The following CSMD1 variants were observed in gnomAD, a reference collection of about 807,000 sequenced individuals.
The protein encoded by CSMD1 is CUB and sushi domain-containing protein 1.
Under a neutral mutation model 417.5 loss-of-function variants are expected in CSMD1, and 213 were observed. That is an observed-to-expected ratio of 0.51 (90% CI 0.46 to 0.57). The LOEUF (loss-of-function observed/expected upper bound fraction) is 0.57, where lower values mean the gene tolerates loss of function less well. Among genes scored for constraint, CSMD1 ranks in the 20% least tolerant of loss-of-function variants. CSMD1 has a pLI of 0.00. For missense variants in CSMD1, 6,923 were observed against 4,529.7 expected, an observed-to-expected ratio of 1.53 and a Z score of -15.17; for synonymous variants, 2,862 against 1,736.8, an observed-to-expected ratio of 1.65 and a Z score of -16.11.
intron 3 of CSMD1, among the ~76,000 whole-genome samples, chr8:4,220,120 T>C (rs1166816707): frequency 1.3e-5 from 2 of 152,038 alleles, no homozygotes; most frequent in Non-Finnish European, 2.9e-5. Flanking sequence ...CAGCTGATTT[T>C]TTGTATTTTC....
At chr8:3,691,485 G>C (rs1800241878) in intron 7 of CSMD1, among the ~76,000 whole-genome samples, 1 of 152,312 alleles carries the variant, frequency 6.6e-6, no homozygotes, top group South Asian at 2.1e-4. Context: ...CTATTTCAAT[G>C]TTTCACTGCA....
chr8:4,113,436 G>T (rs372846852), intron 3 of CSMD1, among the ~76,000 whole-genome samples: 39 of 116,208 alleles, frequency 3.4e-4, no homozygotes, highest in African/African-American at 1.2e-3. Context: ...ACAGTATCTC[G>T]CTCTGTCACG....
At chr8:3,664,154 G>GT (rs1798561368) in intron 7 of CSMD1, among the ~76,000 whole-genome samples, 1 of 151,982 alleles carries the variant, frequency 6.6e-6, no homozygotes, top group African/African-American at 2.4e-5. Context: ...TTAACATTAG[G>GT]TATTTCCCCT....
At chr8:4,801,813 C>T (rs150528511) in intron 1 of CSMD1, among the ~76,000 whole-genome samples, 93 of 152,286 alleles carry the variant, frequency 6.1e-4, no homozygotes, top group Admixed American at 3.9e-3. Context: ...AATACAGCTA[C>T]TCTTTTCTAA....
intron 2 of CSMD1, among the ~76,000 whole-genome samples, chr8:4,488,793 C>G (rs1052433734): frequency 5.3e-5 from 8 of 152,154 alleles, no homozygotes; most frequent in Admixed American, 5.2e-4. Flanking sequence ...AAAGGAAATA[C>G]TCTATGTCCA....
chr8:3,911,669 T>C (rs1256695875), intron 5 of CSMD1, among the ~76,000 whole-genome samples: 1 of 152,154 alleles, frequency 6.6e-6, no homozygotes. Flanking sequence ...CACATGTCAT[T>C]GCTTGTCGGA....
chr8:4,768,167 G>C (rs1311104894), intron 1 of CSMD1, among the ~76,000 whole-genome samples: 2 of 152,134 alleles, frequency 1.3e-5, no homozygotes, highest in East Asian at 1.9e-4. Context: ...GTGAAAATTA[G>C]CAGGACATTG....
chr8:4,071,955 C>G (rs145125292), intron 3 of CSMD1, among the ~76,000 whole-genome samples: 1 of 152,168 alleles, frequency 6.6e-6, no homozygotes, highest in Non-Finnish European at 1.5e-5. Context: ...CAGTGTGGGG[C>G]TCTCCAGTCT....
At chr8:3,907,855 G>A (rs778517380) in intron 5 of CSMD1, among the ~76,000 whole-genome samples, 14 of 152,098 alleles carry the variant, frequency 9.2e-5, no homozygotes, top group African/African-American at 1.2e-4. Flanking sequence ...TGTGCTCTGC[G>A]GTCCAGGCAA....
intron 2 of CSMD1, among the ~76,000 whole-genome samples, chr8:4,464,331 T>A (rs1563203767): frequency 6.6e-6 from 1 of 152,198 alleles, no homozygotes; most frequent in African/African-American, 2.4e-5. Flanking sequence ...ACAGTGCGGT[T>A]ATGTTCTAAT....
At chr8:3,051,462 A>C (rs1321619696) in intron 50 of CSMD1, among the ~76,000 whole-genome samples, 1 of 152,122 alleles carries the variant, frequency 6.6e-6, no homozygotes, top group African/African-American at 2.4e-5. Context: ...GGGTGGGAGG[A>C]AGGTAAGGAT....
intron 12 of CSMD1, among the ~76,000 whole-genome samples, chr8:3,439,309 A>ATATTTTTTT: frequency 2.7e-4 from 17 of 62,456 alleles, no homozygotes; most frequent in South Asian, 1.5e-3. Context: ...ATATATATAT[A>ATATTTTTTT]TTTTTTTTTT....
At chr8:4,765,576 T>TG (rs1812409709) in intron 1 of CSMD1, among the ~76,000 whole-genome samples, 2 of 152,202 alleles carry the variant, frequency 1.3e-5, no homozygotes, top group South Asian at 4.1e-4. Context: ...AACTGAGATA[T>TG]GGACAATGCT....
At chr8:4,321,669 G>A (rs1799281352) in intron 3 of CSMD1, among the ~76,000 whole-genome samples, 1 of 152,140 alleles carries the variant, frequency 6.6e-6, no homozygotes, top group Non-Finnish European at 1.5e-5. Flanking sequence ...TAAAAGAGCT[G>A]TTCAACATTC....
intron 5 of CSMD1, among the ~76,000 whole-genome samples, chr8:3,899,769 G>T (rs919986041): frequency 6.6e-6 from 1 of 152,144 alleles, no homozygotes; most frequent in Non-Finnish European, 1.5e-5. Context: ...AGCTTTCAGG[G>T]CACAGTTTTG....
At chr8:4,248,027 T>G (rs1802817188) in intron 3 of CSMD1, among the ~76,000 whole-genome samples, 1 of 152,198 alleles carries the variant, frequency 6.6e-6, no homozygotes, top group Non-Finnish European at 1.5e-5. Context: ...AGATTTTTCA[T>G]TTAGAGAAGT....
intron 3 of CSMD1, among the ~76,000 whole-genome samples, chr8:4,343,064 CT>C (rs1180727077): frequency 6.6e-6 from 1 of 152,062 alleles, no homozygotes; most frequent in Admixed American, 6.6e-5. Context: ...TTTAAGTTGC[CT>C]TCAACATCAC....
At chr8:4,862,235 G>A (rs1319621248) in intron 1 of CSMD1, among the ~76,000 whole-genome samples, 1 of 152,076 alleles carries the variant, frequency 6.6e-6, no homozygotes, top group Admixed American at 6.5e-5. Flanking sequence ...AAGTGAGGTA[G>A]AGAGGAGTGA....
At chr8:3,717,322 GTTGT>G (rs1209939826) in intron 6 of CSMD1, among the ~76,000 whole-genome samples, 1 of 152,046 alleles carries the variant, frequency 6.6e-6, no homozygotes, top group Non-Finnish European at 1.5e-5. Context: ...TTGTATGTCA[GTTGT>G]TTAAATATGA....
Sources: gnomAD v4.1 joint callset for allele counts (sites outside exome capture counted in the v4.1 genomes callset) on GRCh38, gnomAD v4.1.1 for gene constraint, MANE v1.5 for transcripts, NCBI Gene and HGNC (gene_info 2026-07-23, HGNC 2026-07-21) for gene names.